Variants in FLT1 observed in about 807,000 individuals in gnomAD.
FLT1 encodes fms related receptor tyrosine kinase 1.
FLT1 carries 49 observed loss-of-function variants against 156.3 expected under a neutral mutation model. The observed-to-expected ratio is 0.31, with a 90% CI of 0.25 to 0.40. FLT1 has a LOEUF of 0.40. FLT1 is among the 10% of genes least tolerant of loss of function. The probability of loss-of-function intolerance (pLI) is 1.00; values close to 1 mark genes in which losing one functional copy is unlikely to be tolerated. For missense variants in FLT1, 1,322 were observed against 1,637.2 expected (o/e 0.81, Z 3.32); for synonymous variants, 594 against 583.8 (o/e 1.02, Z -0.25).
intron 1 of FLT1, among the ~76,000 whole-genome samples, chr13:28,493,227 G>A (rs1336186619): frequency 6.6e-6 from 1 of 152,156 alleles, no homozygotes; most frequent in East Asian, 1.9e-4. Context: ...TAATAGTCGA[G>A]TGAGGTATTT....
intron 18 of FLT1, among the ~76,000 whole-genome samples, chr13:28,330,861 G>A (rs937503219): frequency 6.6e-6 from 1 of 151,782 alleles, no homozygotes; most frequent in Non-Finnish European, 1.5e-5. Flanking sequence ...TTACAGGTGT[G>A]TGCCACAATG....
chr13:28,448,543 A>G lies in FLT1; in HGVS notation c.389-10198T>C, dbSNP rs116535253. ...CAAATTATGTATTCTATTTATATAA[A>G]ATATCCATGAGACAAATCTATGGGA... On this transcript the variant is annotated intron_variant, in intron 3 of 29. Transcript: ENST00000282397. Among the ~76,000 whole-genome samples, 549 of 152,344 alleles carry G rather than the reference A, an allele frequency of 3.6e-3. 3 individuals carry two copies. The highest frequency in any genetic ancestry group is 0.013 in the African/African-American group (532 of 41,568).
chr13:28,371,024 T>C (rs957581055), intron 14 of FLT1, among the ~76,000 whole-genome samples: 2 of 152,210 alleles, frequency 1.3e-5, no homozygotes, highest in African/African-American at 4.8e-5. Flanking sequence ...ACAAATCATA[T>C]TACAGTGTAT....
chr13:28,374,457 CA>C (rs565203958), intron 14 of FLT1, among the ~76,000 whole-genome samples: 1 of 151,644 alleles, frequency 6.6e-6, no homozygotes, highest in African/African-American at 2.4e-5. Flanking sequence ...AGAAAAAACC[CA>C]AAAAAACCCT....
intron 18 of FLT1, among the ~76,000 whole-genome samples, chr13:28,333,777 C>T (rs559292163): frequency 6.6e-6 from 1 of 152,104 alleles, no homozygotes; most frequent in Non-Finnish European, 1.5e-5. Context: ...ATGAGAAAGA[C>T]CTTTGAGGTG....
In FLT1 at chr13:28,380,954, T is replaced by C. The variant is rs572440985; in HGVS notation, c.2116+3931A>G. On this transcript the variant is annotated intron_variant, in intron 14 of 29. Coordinates refer to ENST00000282397, the MANE Select transcript of FLT1 (RefSeq NM_002019.4). ...AAAGGGCTCCGAGAGTAAGGAATAA[T>C]GAGTTGCCCAAATTCTTATATGACT... is the stretch of plus-strand genomic sequence containing the variant. 2.0e-5 allele frequency among the ~76,000 whole-genome samples: 3 copies of C among 152,260 alleles called. No homozygotes were observed. In the South Asian group the frequency reaches 6.2e-4, roughly 32 times the overall value.
intron 14 of FLT1, chr13:28,368,584 T>C: frequency 6.7e-7 from 1 of 1,497,532 alleles, no homozygotes; most frequent in African/African-American, 1.4e-5. Context: ...ATAGCTATGA[T>C]GATGATGATG....
At chr13:28,337,591 C>G (rs1872169812) in intron 17 of FLT1, among the ~76,000 whole-genome samples, 1 of 152,208 alleles carries the variant, frequency 6.6e-6, no homozygotes, top group African/African-American at 2.4e-5. Flanking sequence ...TCTCACCCAT[C>G]AGAGACACTC....
At chr13:28,305,162 C>T (rs539195550) in intron 29 of FLT1, among the ~76,000 whole-genome samples, 2 of 152,200 alleles carry the variant, frequency 1.3e-5, no homozygotes, top group African/African-American at 2.4e-5. Flanking sequence ...ATGAGGGTTC[C>T]AATTTCTCCA....
In FLT1 at chr13:28,433,872, C is replaced by T; in HGVS notation, c.760G>A (p.Ala254Thr). 1 of 1,613,856 alleles carries T rather than the reference C, an allele frequency of 6.2e-7. No homozygotes were observed. The change falls in exon 6 of 30, where the codon GCT becomes ACT. Residue 254 changes from alanine to threonine, a missense_variant. Coordinates refer to ENST00000282397, the MANE Select transcript of FLT1 (RefSeq NM_002019.4). ...RGHTLVLNCT[A>T]TTPLNTRVQM... ...ACTCTCGTGTTCAAGGGAGTGGTAG[C>T]AGTACAATTGAGGACAAGAGTATGG...
intron 12 of FLT1, 34 bp from the exon 13 acceptor site, chr13:28,390,138 GA>G (rs770820675): frequency 5.6e-6 from 9 of 1,603,784 alleles, no homozygotes; most frequent in Non-Finnish European, 7.7e-6. Flanking sequence ...TCAGTTCACA[GA>G]AAAATCAGTG....
chr13:28,463,635 G>A (rs746981707), intron 3 of FLT1, among the ~76,000 whole-genome samples: 1 of 152,110 alleles, frequency 6.6e-6, no homozygotes, highest in Non-Finnish European at 1.5e-5. Context: ...AATATCTAGC[G>A]AGTAATCACA....
At chr13:28,429,333 T>C (rs1272539441) in intron 8 of FLT1, among the ~76,000 whole-genome samples, 1 of 152,188 alleles carries the variant, frequency 6.6e-6, no homozygotes, top group African/African-American at 2.4e-5. Context: ...ATGGATTGTT[T>C]TGCTAATCAG....
chr13:28,477,194 G>A (rs17553014), intron 1 of FLT1, among the ~76,000 whole-genome samples: 9,774 of 152,178 alleles, frequency 0.064, 494 homozygotes, highest in Admixed American at 0.12. Flanking sequence ...TGCCTTCTTT[G>A]AGGGTCACAG....
intron 18 of FLT1, among the ~76,000 whole-genome samples, chr13:28,330,382 G>A (rs1428809930): frequency 2.0e-5 from 3 of 151,888 alleles, no homozygotes; most frequent in Non-Finnish European, 4.4e-5. Flanking sequence ...AATATGCAAG[G>A]CATTTAAAAA....
At chr13:28,402,653 T>C (rs1875518796) in intron 11 of FLT1, among the ~76,000 whole-genome samples, 1 of 152,194 alleles carries the variant, frequency 6.6e-6, no homozygotes, top group Non-Finnish European at 1.5e-5. Context: ...TAACAAAGTC[T>C]TCATTGTATA....
At chr13:28,368,437 C>T in intron 14 of FLT1, 2 of 1,478,026 alleles carry the variant, frequency 1.4e-6, no homozygotes, top group Non-Finnish European at 1.8e-6. Flanking sequence ...CAGGCGTGAG[C>T]CACCATGCCC....
intron 25 of FLT1, among the ~76,000 whole-genome samples, chr13:28,315,041 T>C (rs138857067): frequency 1.6e-4 from 25 of 152,320 alleles, no homozygotes; most frequent in African/African-American, 5.3e-4. Flanking sequence ...AGGATGGTGC[T>C]GTGGACTCTG....
chr13:28,384,465 AAAAG>A (rs1173681454), intron 14 of FLT1, among the ~76,000 whole-genome samples: 2 of 151,370 alleles, frequency 1.3e-5, no homozygotes, highest in Non-Finnish European at 2.9e-5. Context: ...AAAAAAAAAA[AAAAG>A]AAAGAAAGAA....
Sources: gnomAD v4.1 joint callset for allele counts (sites outside exome capture counted in the v4.1 genomes callset) on GRCh38, gnomAD v4.1.1 for gene constraint, MANE v1.5 for transcripts, NCBI Gene and HGNC (gene_info 2026-07-23, HGNC 2026-07-21) for gene names.